LINGO2: variants seen among roughly 807,000 people sequenced by gnomAD.
LINGO2 encodes the protein leucine rich repeat and Ig domain containing 2.
In LINGO2, 14 loss-of-function variants were observed where a neutral mutation model predicts 30.6. That is an observed-to-expected ratio of 0.46 (90% CI 0.30 to 0.72). LINGO2 has a LOEUF of 0.72. Ranked by LOEUF, LINGO2 falls within the 30% of genes least tolerant of loss-of-function variation. The pLI is 0.07. For missense variants in LINGO2, 729 were observed against 751.7 expected (o/e 0.97, Z 0.35); for synonymous variants, 317 against 288.5 (o/e 1.10, Z -1.00).
chr9:29,111,854 T>C, the LINGO2 span, among the ~76,000 whole-genome samples: 1 of 71,964 alleles, frequency 1.4e-5, no homozygotes, highest in Non-Finnish European at 3.0e-5. Flanking sequence ...TAGGTGTGTA[T>C]GTTCATGTAT....
chr9:28,522,318 C>T (rs1401064290), intron 1 of LINGO2, among the ~76,000 whole-genome samples: 1 of 152,006 alleles, frequency 6.6e-6, no homozygotes, highest in Non-Finnish European at 1.5e-5. Context: ...GAAGAAATGG[C>T]CAGAGGAAAT....
chr9:28,462,414 TAA>T (rs61677547), intron 2 of LINGO2, among the ~76,000 whole-genome samples: 19 of 89,100 alleles, frequency 2.1e-4, no homozygotes, highest in African/African-American at 3.5e-4. Flanking sequence ...ATGCTCTAGC[TAA>T]AAAAAAAAAA....
chr9:28,774,420 G>C, the LINGO2 span, among the ~76,000 whole-genome samples: 2 of 152,018 alleles, frequency 1.3e-5, no homozygotes, highest in African/African-American at 4.8e-5. Flanking sequence ...ATGCTTGTTT[G>C]CAAGGCAAAT....
chr9:29,189,784 C>T, the LINGO2 span, among the ~76,000 whole-genome samples: 1 of 152,044 alleles, frequency 6.6e-6, no homozygotes, highest in Non-Finnish European at 1.5e-5. Flanking sequence ...CCGAGGCTGG[C>T]GGATCACTCG....
intron 2 of LINGO2, among the ~76,000 whole-genome samples, chr9:28,387,317 G>A (rs917864462): frequency 5.3e-5 from 8 of 152,010 alleles, no homozygotes; most frequent in African/African-American, 1.2e-4. Context: ...CTATAAAAAC[G>A]CACCAATTGG....
At chr9:28,889,413 C>T in the LINGO2 span, among the ~76,000 whole-genome samples, 1 of 148,204 alleles carries the variant, frequency 6.7e-6, no homozygotes, top group East Asian at 2.0e-4. Flanking sequence ...CCATGTCACA[C>T]CATTTAACAT....
chr9:28,830,010 T>C, the LINGO2 span, among the ~76,000 whole-genome samples: 2 of 152,340 alleles, frequency 1.3e-5, no homozygotes, highest in South Asian at 4.1e-4. Context: ...ACTGAAATAC[T>C]ATCTGACAAC....
intron 5 of LINGO2, among the ~76,000 whole-genome samples, chr9:27,976,365 C>T (rs1375419325): frequency 6.6e-6 from 1 of 152,030 alleles, no homozygotes; most frequent in Non-Finnish European, 1.5e-5. Flanking sequence ...ATCTGATGAA[C>T]TCCTGTGTTC....
Position 28,067,598 on chromosome 9 carries a change from A to G in LINGO2, c.-86-55193T>C, listed in dbSNP as rs376472137. Among the ~76,000 whole-genome samples, 18 of 152,202 alleles carry G rather than the reference A, an allele frequency of 1.2e-4. No individual in the cohort carries two copies. In the East Asian group the frequency reaches 2.1e-3, roughly 18 times the overall value. Reference sequence around the variant, plus strand: ...GTTTCTTCCCTGTAAAACATGGCACACAGGGTGTGGATTAAAAAATTAACA... The same window carrying G: ...GTTTCTTCCCTGTAAAACATGGCACGCAGGGTGTGGATTAAAAAATTAACA... On this transcript the variant is annotated intron_variant, in intron 4 of 5. Coordinates refer to ENST00000379992, the Ensembl canonical transcript of LINGO2.
chr9:29,190,045 G>A, the LINGO2 span, among the ~76,000 whole-genome samples: 2 of 133,618 alleles, frequency 1.5e-5, no homozygotes, highest in African/African-American at 2.8e-5. Context: ...GGGAGAGGGA[G>A]AGGGAGGGGG....
At chr9:28,740,604 T>C in the LINGO2 span, among the ~76,000 whole-genome samples, 2 of 151,920 alleles carry the variant, frequency 1.3e-5, no homozygotes, top group Non-Finnish European at 2.9e-5. Flanking sequence ...GTTTCTCTCT[T>C]TTTTCTTCTT....
At chr9:28,372,152 C>CT (rs1820928244) in intron 3 of LINGO2, among the ~76,000 whole-genome samples, 1 of 152,122 alleles carries the variant, frequency 6.6e-6, no homozygotes, top group African/African-American at 2.4e-5. Flanking sequence ...ATACTTCCAA[C>CT]TTCACAATTT....
At chr9:28,740,334 G>A in the LINGO2 span, among the ~76,000 whole-genome samples, 1 of 151,604 alleles carries the variant, frequency 6.6e-6, no homozygotes, top group African/African-American at 2.4e-5. Flanking sequence ...TATTCATTAT[G>A]AAAAAAATTG....
At chr9:28,218,046 A>T (rs905291084) in intron 4 of LINGO2, among the ~76,000 whole-genome samples, 6 of 150,940 alleles carry the variant, frequency 4.0e-5, no homozygotes, top group African/African-American at 1.5e-4. Flanking sequence ...AGAGATGAAG[A>T]TCAAGTTATA....
At chr9:28,989,886 A>T in the LINGO2 span, among the ~76,000 whole-genome samples, 1 of 152,138 alleles carries the variant, frequency 6.6e-6, no homozygotes, top group Non-Finnish European at 1.5e-5. Context: ...GACCTTAAAA[A>T]CCACAAGCTA....
the LINGO2 span, among the ~76,000 whole-genome samples, chr9:28,738,773 A>G: frequency 6.6e-6 from 1 of 152,218 alleles, no homozygotes. Flanking sequence ...GATGTCCCAC[A>G]TCAAAATGTA....
the LINGO2 span, among the ~76,000 whole-genome samples, chr9:29,057,074 T>C: frequency 6.6e-6 from 1 of 152,124 alleles, no homozygotes; most frequent in Non-Finnish European, 1.5e-5. Context: ...GGGCTCTCTT[T>C]TGGTTTTAAG....
intron 1 of LINGO2, among the ~76,000 whole-genome samples, chr9:28,568,270 C>A (rs1174599131): frequency 2.0e-5 from 3 of 151,950 alleles, no homozygotes; most frequent in Non-Finnish European, 4.4e-5. Context: ...TGGGAGCTCA[C>A]TGATGAGAAC....
At chr9:28,607,864 GAGA>G (rs1269227272) in intron 1 of LINGO2, among the ~76,000 whole-genome samples, 1 of 151,972 alleles carries the variant, frequency 6.6e-6, no homozygotes, top group Non-Finnish European at 1.5e-5. Context: ...CACAGAGTAG[GAGA>G]AGAACCATTC....
Sources: allele counts gnomAD v4.1 joint callset (sites outside exome capture counted in the v4.1 genomes callset), GRCh38; gene constraint gnomAD v4.1.1; transcripts MANE v1.5; gene names NCBI Gene and HGNC (gene_info 2026-07-23, HGNC 2026-07-21).